ZFP64: variants seen among roughly 807,000 people sequenced by gnomAD.
The protein encoded by ZFP64 is ZFP64 zinc finger protein.
Under a neutral mutation model 51.6 loss-of-function variants are expected in ZFP64, and 14 were observed. That is an observed-to-expected ratio of 0.27 (90% CI 0.18 to 0.42). ZFP64 has a LOEUF of 0.42. ZFP64 is among the 10% of genes least tolerant of loss of function. The pLI, the probability that ZFP64 is intolerant of heterozygous loss-of-function variation, is 1.00. For synonymous variants in ZFP64, 375 were observed against 361.4 expected, an observed-to-expected ratio of 1.04 and a Z score of -0.43; for missense variants, 754 against 906.8, an observed-to-expected ratio of 0.83 and a Z score of 2.16.
intron 6 of ZFP64, among the ~76,000 whole-genome samples, chr20:52,097,603 T>C (rs1568944495): frequency 6.6e-6 from 1 of 151,958 alleles, no homozygotes; most frequent in African/African-American, 2.4e-5. Context: ...TACAGGCGCC[T>C]GCCACCACGC....
In ZFP64 at chr20:52,151,973, G is replaced by A; in HGVS notation, c.*173C>T. ...AATCGCTTGAACCTGGGAGGCGGAC[G>A]TTGCAGTGAGCCAAGATAGCGCCAC... is the stretch of plus-strand genomic sequence containing the variant. On this transcript the variant is annotated 3_prime_UTR_variant, in exon 6 of 6. Transcript: ENST00000216923. 2 of 1,351,302 alleles carry A rather than the reference G, an allele frequency of 1.5e-6. No homozygotes were observed. The highest frequency in any genetic ancestry group is 1.6e-5 in the South Asian group (1 of 63,770). 83.7% of individuals were successfully genotyped at this position (1,351,302 alleles called of 1,614,324 possible).
intron 2 of ZFP64, chr20:52,175,863 C>CGG: frequency 1.1e-4 from 43 of 375,916 alleles, no homozygotes; most frequent in Non-Finnish European, 1.2e-4. Context: ...CCCCCGCTGC[C>CGG]GCCCCCGCCC....
chr20:52,135,920 G>A (rs1003710726), intron 5 of ZFP64, among the ~76,000 whole-genome samples: 29 of 151,440 alleles, frequency 1.9e-4, no homozygotes, highest in Middle Eastern at 3.4e-3. Context: ...CCAACATGGT[G>A]AAACCCTGCC....
intron 5 of ZFP64, among the ~76,000 whole-genome samples, chr20:52,107,461 G>A (rs1004052199): frequency 6.6e-6 from 1 of 151,876 alleles, no homozygotes; most frequent in African/African-American, 2.4e-5. Context: ...CTCTTTATAT[G>A]GCCTCCTGAT....
intron 5 of ZFP64, among the ~76,000 whole-genome samples, chr20:52,122,875 T>C (rs1171706469): frequency 6.6e-6 from 1 of 152,220 alleles, no homozygotes; most frequent in African/African-American, 2.4e-5. Flanking sequence ...AAGTGGCTTC[T>C]TGAGATGAAA....
At chr20:52,104,499 A>G (rs2079088683) in intron 5 of ZFP64, among the ~76,000 whole-genome samples, 2 of 152,132 alleles carry the variant, frequency 1.3e-5, no homozygotes, top group South Asian at 2.1e-4. Flanking sequence ...TAAAATGCAG[A>G]GCTCTTACCA....
intron 5 of ZFP64, among the ~76,000 whole-genome samples, chr20:52,145,821 A>G (rs192307694): frequency 2.6e-5 from 4 of 152,292 alleles, no homozygotes; most frequent in Admixed American, 2.6e-4. Flanking sequence ...GTACTACTGC[A>G]GACCTTATAA....
chr20:52,182,384 G>A (rs1600816890), intron 2 of ZFP64, among the ~76,000 whole-genome samples: 1 of 152,110 alleles, frequency 6.6e-6, no homozygotes, highest in East Asian at 1.9e-4. Context: ...ATGGTCGCAG[G>A]GCCGTGTAAA....
intron 7 of ZFP64, among the ~76,000 whole-genome samples, chr20:52,096,143 C>T (rs754375746): frequency 6.6e-6 from 1 of 152,232 alleles, no homozygotes; most frequent in African/African-American, 2.4e-5. Flanking sequence ...AATCTCTGTC[C>T]TCTCAGTGAA....
At position 52,160,147 on chromosome 20, in the gene ZFP64, T is replaced by C; in HGVS notation, c.739A>G (p.Thr247Ala). Residue 247 changes from threonine (T) to alanine (A), a missense_variant, in exon 5 of 6, where the codon ACT becomes GCT. By Grantham distance (58) the Thr-to-Ala change is moderately conservative. Around this residue, in one of 3 missense-constraint regions of ZFP64, gnomAD observed 231 missense variants for 336.7 expected, o/e 0.69. Coordinates refer to ENST00000216923, the MANE Select transcript of ZFP64 (RefSeq NM_018197.3). The surrounding 1 kb of genome is among the most constrained non-coding windows in gnomAD (Gnocchi z 4.2). The stretch of plus-strand genomic sequence containing the variant: ...CCCGTGTGGGATCGCAGGTGGACAG[T>C]GAGCTGGCTGGAGTTGCGGCTGGCG... ...PYASRNSSQL[T>A]VHLRSHTGDA... 1 of 1,614,112 alleles carries C rather than the reference T, an allele frequency of 6.2e-7. No homozygotes were observed. The highest frequency in any genetic ancestry group is 8.5e-7 in the Non-Finnish European group (1 of 1,180,012).
chr20:52,186,685 T>C (rs759215655), intron 2 of ZFP64, 147 bp downstream of exon 2: 101 of 1,144,314 alleles, frequency 8.8e-5, no homozygotes, highest in Non-Finnish European at 1.2e-4. Context: ...GCTGGGCAGC[T>C]GGCTTCCTGG....
intron 2 of ZFP64, among the ~76,000 whole-genome samples, chr20:52,167,255 G>A (rs1393297883): frequency 6.6e-5 from 10 of 152,078 alleles, no homozygotes; most frequent in Non-Finnish European, 1.5e-4. Flanking sequence ...AACCTGGGAG[G>A]CGGGGGTTGC....
chr20:52,105,449 C>T (rs1978306914), intron 5 of ZFP64: 11 of 1,058,198 alleles, frequency 1.0e-5, no homozygotes, highest in South Asian at 4.9e-5. Context: ...GGTCCGCTCC[C>T]GGGCAGCCCG....
Position 52,191,653 on chromosome 20 carries a change from G to A in ZFP64, c.-17C>T. The A allele has an allele frequency of 6.3e-7, 1 of 1,579,034 alleles. No homozygotes were observed. ...CGCGTTCATGGCCGCAGACTGGGAGGTCCCCGGCCGGCCGGGATGCCAAAG... is the reference window on the plus strand; with the variant it reads ...CGCGTTCATGGCCGCAGACTGGGAGATCCCCGGCCGGCCGGGATGCCAAAG... On this transcript the variant is annotated 5_prime_UTR_variant, in exon 1 of 6. Transcript: ENST00000216923. The surrounding 1 kb of genome is among the most constrained non-coding windows in gnomAD (Gnocchi z 4.3).
In ZFP64 at chr20:52,152,441, T is replaced by C. The variant is rs1414596660; in HGVS notation, c.1751A>G (p.Gln584Arg). 6.2e-7 allele frequency: 1 copy of C among 1,614,008 alleles called. No homozygotes were observed. The highest frequency in any genetic ancestry group is 1.3e-5 in the African/African-American group (1 of 74,934). ...HEQTDGATLH[Q>R]TLIPTASGGP... is the part of the protein sequence containing the mutation. ...ACCTGAGGCCGTGGGGATGAGAGTC[T>C]GGTGCAGAGTGGCTCCGTCCGTCTG... The change falls in exon 6 of 6, where the codon CAG becomes CGG. Residue 584 changes from glutamine to arginine, a missense_variant. Gln to Arg is a conservative substitution (Grantham distance 43). Coordinates refer to ENST00000216923, the MANE Select transcript of ZFP64 (RefSeq NM_018197.3).
At chr20:52,089,029 C>T (rs756721958) in intron 7 of ZFP64, 2 of 521,724 alleles carry the variant, frequency 3.8e-6, no homozygotes, top group East Asian at 1.1e-4. Context: ...AAACAGCAAG[C>T]AGCACGGCAT....
chr20:52,134,683 C>G (rs1025840886), intron 5 of ZFP64, among the ~76,000 whole-genome samples: 2 of 151,886 alleles, frequency 1.3e-5, no homozygotes, highest in African/African-American at 2.4e-5. Flanking sequence ...AATCACATGC[C>G]GATAACAACA....
intron 7 of ZFP64, among the ~76,000 whole-genome samples, chr20:52,090,424 GTGAAGGTAAGAT>G (rs2078910622): frequency 6.6e-6 from 1 of 152,184 alleles, no homozygotes; most frequent in Non-Finnish European, 1.5e-5. Flanking sequence ...AAGGGTGATG[GTGAAGGTAAGAT>G]GGCAATATGA....
At chr20:52,111,147 G>A in intron 5 of ZFP64, 1 of 699,590 alleles carries the variant, frequency 1.4e-6, no homozygotes. Context: ...CGGGTTCCGC[G>A]ACGGGGAGGT....
Sources: gnomAD v4.1 joint callset for allele counts (sites outside exome capture counted in the v4.1 genomes callset) on GRCh38, gnomAD v4.1.1 for gene constraint, gnomAD v4.1.1 regional missense constraint, Gnocchi (gnomAD v3.1) non-coding constraint, MANE v1.5 for transcripts, NCBI Gene and HGNC (gene_info 2026-07-23, HGNC 2026-07-21) for gene names.